LITAF: variants seen among roughly 807,000 people sequenced by gnomAD.
LITAF encodes the protein lipopolysaccharide-induced tumor necrosis factor-alpha factor.
In LITAF, 9 loss-of-function variants were observed where a neutral mutation model predicts 14.5. That is an observed-to-expected ratio of 0.62 (90% CI 0.37 to 1.08). The LOEUF is 1.08. Among genes scored for constraint, LITAF ranks in the 50% least tolerant of loss-of-function variants. The probability of loss-of-function intolerance (pLI) is 0.01; values close to 1 mark genes in which losing one functional copy is unlikely to be tolerated. For missense variants in LITAF, 206 were observed against 213.4 expected, an observed-to-expected ratio of 0.97 and a Z score of 0.22; for synonymous variants, 98 against 88.2, an observed-to-expected ratio of 1.11 and a Z score of -0.62.
intron 1 of LITAF, among the ~76,000 whole-genome samples, chr16:11,575,738 C>A (rs528810723): frequency 3.2e-4 from 48 of 152,250 alleles, no homozygotes; most frequent in African/African-American, 1.1e-3. Context: ...TGTCTTCTCC[C>A]GAGAACACAA....
chr16:11,605,180 C>T lies in LITAF; in HGVS notation c.85+28353G>A, dbSNP rs1040852226. 2.6e-5 allele frequency among the ~76,000 whole-genome samples: 4 copies of T among 152,302 alleles called. No homozygotes were observed. The highest frequency in any genetic ancestry group is 3.4e-3 in the Middle Eastern group (1 of 294). On this transcript the variant is annotated intron_variant, in intron 3 of 3. Transcript: ENST00000574848. The surrounding 1 kb of genome is among the most constrained non-coding windows in gnomAD (Gnocchi z 4.7). ...ACTGTGCAAACAGGGAGCCCAAGCT[C>T]TCAGCATCCCCCCAGCCAGCTCTGG...
intron 3 of LITAF, among the ~76,000 whole-genome samples, chr16:11,622,294 C>T (rs1166218750): frequency 6.6e-6 from 1 of 152,246 alleles, no homozygotes; most frequent in Non-Finnish European, 1.5e-5. Context: ...ACAGCCTGAA[C>T]GCTTTCCCAA....
At chr16:11,612,606 G>C (rs2064989111) in intron 3 of LITAF, among the ~76,000 whole-genome samples, 1 of 152,208 alleles carries the variant, frequency 6.6e-6, no homozygotes, top group African/African-American at 2.4e-5. Context: ...AACCTGGATG[G>C]AAAGTTAACA....
chr16:11,613,461 T>G (rs1316404749), intron 3 of LITAF, among the ~76,000 whole-genome samples: 2 of 152,184 alleles, frequency 1.3e-5, no homozygotes, highest in Non-Finnish European at 2.9e-5. Context: ...GGGTCTGAGG[T>G]GCCAGAGTGT....
intron 1 of LITAF, among the ~76,000 whole-genome samples, chr16:11,570,335 G>C (rs2064522260): frequency 6.6e-6 from 1 of 152,250 alleles, no homozygotes; most frequent in East Asian, 1.9e-4. Flanking sequence ...AACCCAGGGA[G>C]GGGGTGACTT....
intron 1 of LITAF, among the ~76,000 whole-genome samples, chr16:11,578,964 G>A (rs1222027531): frequency 6.6e-6 from 1 of 152,208 alleles, no homozygotes; most frequent in African/African-American, 2.4e-5. Context: ...CGAGGCGGGT[G>A]GGTCACCTGA....
chr16:11,552,294 A>G (rs1218358802), intron 3 of LITAF, among the ~76,000 whole-genome samples: 2 of 152,172 alleles, frequency 1.3e-5, no homozygotes, highest in Admixed American at 6.6e-5. Context: ...GGGAAACAAA[A>G]AATTGATTGT....
At chr16:11,592,198 T>C (rs928691959), upstream of LITAF, among the ~76,000 whole-genome samples, 1 of 152,212 alleles carries the variant, frequency 6.6e-6, no homozygotes, top group African/African-American at 2.4e-5. Context: ...GCAAATTATA[T>C]ATCTGATAAG....
In LITAF at chr16:11,632,158, C is replaced by T. The variant is rs1320057424; in HGVS notation, c.85+1375G>A. On this transcript the variant is annotated intron_variant, in intron 3 of 3. Coordinates refer to the LITAF transcript ENST00000574848. This position sits in a 1 kb window ranked among gnomAD's most constrained non-coding sequence, Gnocchi z 4.8. ...CTGGGATTACAGGCGTGAGCCACTGCGCCCGGCCTCGCAAAGAACCTATTT... is the reference window on the plus strand; with the variant it reads ...CTGGGATTACAGGCGTGAGCCACTGTGCCCGGCCTCGCAAAGAACCTATTT... 1.3e-5 allele frequency among the ~76,000 whole-genome samples: 2 copies of T among 152,150 alleles called. No individual in the cohort carries two copies. The highest frequency in any genetic ancestry group is 6.6e-5 in the Admixed American group (1 of 15,256).
At chr16:11,637,516 C>T (rs1299820725), upstream of LITAF, among the ~76,000 whole-genome samples, 2 of 152,212 alleles carry the variant, frequency 1.3e-5, no homozygotes, top group South Asian at 2.1e-4. Flanking sequence ...GTAAAACTGC[C>T]GTGAGGAGCA....
At chr16:11,582,428 T>C (rs2064752696) in intron 1 of LITAF, among the ~76,000 whole-genome samples, 1 of 152,028 alleles carries the variant, frequency 6.6e-6, no homozygotes, top group African/African-American at 2.4e-5. Context: ...TTTCTACATT[T>C]GGGTATCAGA....
At chr16:11,609,080 G>A (rs757891410) in intron 3 of LITAF, among the ~76,000 whole-genome samples, 1 of 152,172 alleles carries the variant, frequency 6.6e-6, no homozygotes, top group East Asian at 1.9e-4. Flanking sequence ...TAGGGCTGGG[G>A]GAACAAGGAA....
intron 3 of LITAF, among the ~76,000 whole-genome samples, chr16:11,611,872 C>G (rs564154163): frequency 3.3e-5 from 5 of 152,086 alleles, no homozygotes; most frequent in Non-Finnish European, 4.4e-5. Context: ...ACCATGTTGT[C>G]CAGGCTGGTC....
intron 3 of LITAF, among the ~76,000 whole-genome samples, chr16:11,609,478 C>T (rs572570259): frequency 1.2e-4 from 18 of 152,154 alleles, no homozygotes; most frequent in Non-Finnish European, 1.9e-4. Context: ...CCTCCCAAAG[C>T]GCTGGAATTA....
intron 1 of LITAF, among the ~76,000 whole-genome samples, chr16:11,582,332 A>C (rs1044065279): frequency 6.6e-6 from 1 of 151,540 alleles, no homozygotes; most frequent in Non-Finnish European, 1.5e-5. Context: ...AAAAAAAAAA[A>C]AAAAAAGAAC....
intron 1 of LITAF, among the ~76,000 whole-genome samples, chr16:11,579,930 C>T (rs543484984): frequency 3.6e-4 from 55 of 152,292 alleles, no homozygotes; most frequent in African/African-American, 1.3e-3. Context: ...GCTGATTATT[C>T]TGAGAAACTG....
chr16:11,633,327 C>T (rs1199717964), intron 3 of LITAF, among the ~76,000 whole-genome samples: 1 of 152,124 alleles, frequency 6.6e-6, no homozygotes, highest in Admixed American at 6.5e-5. Flanking sequence ...ACCTCATTTG[C>T]AAATAGTAGT....
chr16:11,599,762 C>G (rs2064915999), upstream of LITAF, among the ~76,000 whole-genome samples: 1 of 152,138 alleles, frequency 6.6e-6, no homozygotes, highest in South Asian at 2.1e-4. Flanking sequence ...ACTCCAGCCA[C>G]AGGGGCCTCC....
At chr16:11,552,455 C>G (rs1390280543) in intron 3 of LITAF, among the ~76,000 whole-genome samples, 1 of 152,162 alleles carries the variant, frequency 6.6e-6, no homozygotes, top group African/African-American at 2.4e-5. Flanking sequence ...GAAGCAATTC[C>G]TATGAAGAAT....
Sources: gnomAD v4.1 joint callset for allele counts (sites outside exome capture counted in the v4.1 genomes callset) on GRCh38, gnomAD v4.1.1 for gene constraint, Gnocchi (gnomAD v3.1) non-coding constraint, MANE v1.5 for transcripts, NCBI Gene and HGNC (gene_info 2026-07-23, HGNC 2026-07-21) for gene names.